DNMT3B: variants seen among roughly 807,000 people sequenced by gnomAD.
DNMT3B encodes the protein DNA (cytosine-5)-methyltransferase 3B.
Under a neutral mutation model 120.2 loss-of-function variants are expected in DNMT3B, and 37 were observed. That is an observed-to-expected ratio of 0.31 (90% CI 0.24 to 0.40). DNMT3B has a LOEUF of 0.40. Ranked by LOEUF, DNMT3B falls within the 10% of genes least tolerant of loss-of-function variation. The probability of loss-of-function intolerance (pLI) is 1.00; values close to 1 mark genes in which losing one functional copy is unlikely to be tolerated. For missense variants in DNMT3B, 878 were observed against 1,137.3 expected, an observed-to-expected ratio of 0.77 and a Z score of 3.28; for synonymous variants, 412 against 442.8, an observed-to-expected ratio of 0.93 and a Z score of 0.87.
intron 9 of DNMT3B, among the ~76,000 whole-genome samples, chr20:32,793,112 G>A (rs1440120284): frequency 5.0e-5 from 6 of 120,950 alleles, no homozygotes; most frequent in Non-Finnish European, 6.7e-5. Flanking sequence ...AGAAGAATAT[G>A]CCACCTGCTA....
intron 18 of DNMT3B, 46 bp downstream of exon 18, chr20:32,800,971 T>A (rs771995163): frequency 6.2e-7 from 1 of 1,606,446 alleles, no homozygotes; most frequent in South Asian, 1.1e-5. Context: ...CTATGTCACC[T>A]GACCACTGGC....
intron 16 of DNMT3B, 125 bp downstream of exon 16, chr20:32,799,453 G>GA (rs1233291618): frequency 1.3e-5 from 14 of 1,066,256 alleles, no homozygotes; most frequent in Middle Eastern, 2.1e-4. Flanking sequence ...TACCAGCCCT[G>GA]AAAAAAACCC....
At chr20:32,774,146 C>G (rs1235311682) in intron 1 of DNMT3B, among the ~76,000 whole-genome samples, 1 of 151,918 alleles carries the variant, frequency 6.6e-6, no homozygotes, top group Non-Finnish European at 1.5e-5. Context: ...CCTTCCCGCT[C>G]TCTACTTCAC....
intron 4 of DNMT3B, among the ~76,000 whole-genome samples, chr20:32,785,884 T>TTC (rs755928492): frequency 1.4e-4 from 19 of 134,456 alleles, no homozygotes; most frequent in Non-Finnish European, 2.8e-4. Flanking sequence ...CTTTCTTTCT[T>TTC]TTTTTTTCTT....
chr20:32,765,750 C>CTTTTTTTTTTTTTTTTTTTTTTT (rs1208508674), intron 1 of DNMT3B, among the ~76,000 whole-genome samples: 2 of 108,440 alleles, frequency 1.8e-5, no homozygotes, highest in Admixed American at 9.5e-5. Context: ...TTTATTTTTT[C>CTTTTTTTTTTTTTTTTTTTTTTT]TTTTTTTCTT....
rs75340202 is a variant in DNMT3B, at chr20:32,771,166, G to A, written c.-7+8467G>A. ...TACGATAGAAATAATTTATTTGAAAGTCTATCCATGTTGAAACAACTAAAA... is the reference window on the plus strand; with the variant it reads ...TACGATAGAAATAATTTATTTGAAAATCTATCCATGTTGAAACAACTAAAA... On this transcript the variant is annotated intron_variant, in intron 1 of 22. Coordinates refer to ENST00000328111, the MANE Select transcript of DNMT3B (RefSeq NM_006892.4). 1.5e-3 allele frequency among the ~76,000 whole-genome samples: 233 copies of A among 152,286 alleles called. 4 individuals are homozygous for A. The South Asian group carries it at 0.019, about 13-fold the overall frequency.
intron 3 of DNMT3B, among the ~76,000 whole-genome samples, chr20:32,782,090 C>T (rs1978694575): frequency 6.6e-6 from 1 of 152,026 alleles, no homozygotes; most frequent in African/African-American, 2.4e-5. Context: ...AATCTTCCAG[C>T]CGTGAAATCA....
At position 32,787,342 on chromosome 20, in the gene DNMT3B, A is replaced by G. The variant is rs777001888; in HGVS notation, c.545A>G (p.Gln182Arg). 3 of 1,614,234 alleles carry G rather than the reference A, an allele frequency of 1.9e-6. No homozygotes were observed. In the South Asian group the frequency reaches 3.3e-5, roughly 18 times the overall value. The change falls in exon 6 of 23, where the codon CAG becomes CGG. Residue 182 changes from glutamine to arginine, a missense_variant. Around this residue, in one of 4 missense-constraint regions of DNMT3B, gnomAD observed 287 missense variants for 306.2 expected, o/e 0.94. Transcript: ENST00000328111. The stretch of plus-strand genomic sequence containing the variant: ...ACAGAGGACACACATGGGACGCCCC[A>G]GAGCAGCAGTACCCCCTACGCCCGC... Reference protein sequence around the residue: ...DDTEDTHGTPQSSSTPYARLA... With the variant: ...DDTEDTHGTPRSSSTPYARLA...
intron 1 of DNMT3B, among the ~76,000 whole-genome samples, chr20:32,764,768 C>T (rs1254719220): frequency 6.6e-6 from 1 of 152,172 alleles, no homozygotes; most frequent in African/African-American, 2.4e-5. Context: ...TGGCATCCTG[C>T]TCTTAAAGTC....
chr20:32,800,226 T>G lies in DNMT3B; in HGVS notation c.1833T>G (p.Ile611Met). 1 of 1,614,168 alleles carries G rather than the reference T, an allele frequency of 6.2e-7. No individual in the cohort carries two copies. The highest frequency in any genetic ancestry group is 8.5e-7 in the Non-Finnish European group (1 of 1,180,030). ...YVASEVCEES[I>M]AVGTVKHEGN... ...CTTCTGAAGTGTGTGAGGAGTCCATTGCTGTTGGAACCGTGAAGCACGAGG... is the reference window on the plus strand; with the variant it reads ...CTTCTGAAGTGTGTGAGGAGTCCATGGCTGTTGGAACCGTGAAGCACGAGG... Residue 611 changes from isoleucine (I) to methionine (M), a missense_variant, in exon 17 of 23, where the codon ATT becomes ATG. Around this residue, in one of 4 missense-constraint regions of DNMT3B, gnomAD observed 334 missense variants for 518.8 expected, o/e 0.64. Coordinates refer to ENST00000328111, the MANE Select transcript of DNMT3B (RefSeq NM_006892.4).
chr20:32,775,702 G>A (rs567517706), intron 1 of DNMT3B, among the ~76,000 whole-genome samples: 2 of 152,386 alleles, frequency 1.3e-5, no homozygotes, highest in South Asian at 4.1e-4. Flanking sequence ...GAAACGCTCA[G>A]CTGGTATATC....
At chr20:32,781,489 C>T (rs1978621557) in intron 3 of DNMT3B, 75 bp downstream of exon 3, 1 of 1,514,652 alleles carries the variant, frequency 6.6e-7, no homozygotes, top group East Asian at 2.3e-5. Flanking sequence ...CTGCCTGAGG[C>T]CCATAAAAAC....
intron 17 of DNMT3B, 134 bp from the exon 18 acceptor site, chr20:32,800,701 C>A: frequency 1.0e-6 from 1 of 979,152 alleles, no homozygotes; most frequent in Non-Finnish European, 1.6e-6. Flanking sequence ...TCAGGTAATC[C>A]ACCCCCGCCG....
Position 32,796,845 on chromosome 20 carries a change from G to C in DNMT3B, c.1353G>C (p.Glu451Asp), listed in dbSNP as rs200912653. The C allele has an allele frequency of 6.2e-6, 10 of 1,614,118 alleles. No homozygotes were observed. In the South Asian group the frequency reaches 7.7e-5, roughly 12 times the overall value. The change falls in exon 13 of 23, where the codon GAG becomes GAC. Residue 451 changes from glutamate (E) to aspartate (D), a missense_variant. Transcript: ENST00000328111. ...KNPVSFHPLF[E>D]GGLCQTCRDR... ...CCGTGTCCTTCCACCCTCTCTTTGA[G>C]GGGGGGCTCTGTCAGACATGCCGGG...
intron 11 of DNMT3B, 27 bp from the exon 12 acceptor site, chr20:32,795,623 T>A (rs1568850328): frequency 6.2e-7 from 1 of 1,614,142 alleles, no homozygotes; most frequent in Non-Finnish European, 8.5e-7. Context: ...CCTGACCTCA[T>A]CTCATGCCTT....
At chr20:32,782,128 G>A (rs1230855683) in intron 3 of DNMT3B, among the ~76,000 whole-genome samples, 2 of 152,210 alleles carry the variant, frequency 1.3e-5, no homozygotes, top group Non-Finnish European at 2.9e-5. Context: ...ATGCATGCTA[G>A]TTTTACTGTT....
intron 10 of DNMT3B, among the ~76,000 whole-genome samples, chr20:32,794,786 T>G (rs1031176231): frequency 3.3e-5 from 5 of 152,260 alleles, no homozygotes; most frequent in African/African-American, 1.2e-4. Flanking sequence ...TTTCACTTAT[T>G]TTATATATTT....
intron 7 of DNMT3B, among the ~76,000 whole-genome samples, chr20:32,789,680 G>A (rs1411371798): frequency 1.3e-5 from 2 of 152,012 alleles, no homozygotes; most frequent in Admixed American, 6.6e-5. Context: ...TGCAACCTCC[G>A]CCTCCCAGGT....
At chr20:32,800,365 G>A (rs1981182157) in intron 17 of DNMT3B, 67 bp downstream of exon 17, 1 of 1,607,368 alleles carries the variant, frequency 6.2e-7, no homozygotes, top group African/African-American at 1.3e-5. Flanking sequence ...TCCACACCCT[G>A]AAACCCACAT....
Sources: allele counts gnomAD v4.1 joint callset (sites outside exome capture counted in the v4.1 genomes callset), GRCh38; gene constraint gnomAD v4.1.1; regional missense constraint gnomAD v4.1.1; transcripts MANE v1.5; gene names NCBI Gene and HGNC (gene_info 2026-07-23, HGNC 2026-07-21).